The following KIF5A variants were observed in gnomAD, a reference collection of about 807,000 sequenced individuals.
The protein encoded by KIF5A is kinesin heavy chain isoform 5A.
KIF5A carries 35 observed loss-of-function variants against 141.3 expected under a neutral mutation model. That is an observed-to-expected ratio of 0.25 (90% CI 0.19 to 0.33). The LOEUF (loss-of-function observed/expected upper bound fraction) is 0.33. Among genes scored for constraint, KIF5A ranks in the 10% least tolerant of loss-of-function variants. KIF5A has a pLI of 1.00. For missense variants in KIF5A, 861 were observed against 1,314.3 expected, an observed-to-expected ratio of 0.66 and a Z score of 5.33; for synonymous variants, 448 against 500.2, an observed-to-expected ratio of 0.90 and a Z score of 1.39.
chr12:57,562,994 ATTTCT>A (rs1373249692), intron 1 of KIF5A, among the ~76,000 whole-genome samples: 1 of 147,366 alleles, frequency 6.8e-6, no homozygotes, highest in East Asian at 2.0e-4. Flanking sequence ...ATTCTCCCAC[ATTTCT>A]TTTCTTTTCT....
chr12:57,585,605 G>T lies in KIF5A; in HGVS notation c.*1424G>T, dbSNP rs757782963. The T allele has an allele frequency of 6.5e-6, 1 of 153,870 alleles. No individual in the cohort carries two copies. Among genetic ancestry groups the T allele is most frequent in the Non-Finnish European group, 1.5e-5 (1 of 68,212 alleles). The allele number at this position is 153,870 out of a possible 1,614,324, so 9.5% of individuals were successfully genotyped here. On this transcript the variant is annotated 3_prime_UTR_variant, in exon 29 of 29. Coordinates refer to ENST00000455537, the MANE Select transcript of KIF5A (RefSeq NM_004984.4). ...GTGTCCTGATATCCAGTCTTTTCTA[G>T]GAGGAAGACCAAGATTCTCCAGCGG...
intron 1 of KIF5A, among the ~76,000 whole-genome samples, chr12:57,560,869 G>A (rs1490886386): frequency 4.6e-5 from 7 of 152,034 alleles, no homozygotes; most frequent in Admixed American, 4.6e-4. Flanking sequence ...CAGATATAGT[G>A]GTATGTGCCT....
rs1882398575 is a variant in KIF5A at position 57,575,655 on chromosome 12, C to T, written c.1921C>T (p.Arg641Cys). 9 of 1,614,112 alleles carry T rather than the reference C, an allele frequency of 5.6e-6. No individual in the cohort carries two copies. The highest frequency in any genetic ancestry group is 6.8e-6 in the Non-Finnish European group (8 of 1,179,996). Residue 641 changes from arginine to cysteine, a missense_variant, in exon 17 of 29, where the codon CGC (arginine) becomes TGC (cysteine). By Grantham distance (180) the Arg-to-Cys change is radical. Around this residue, in one of 5 missense-constraint regions of KIF5A, gnomAD observed 482 missense variants for 661.3 expected, o/e 0.73. Transcript: ENST00000455537. ...LLISQHEAKI[R>C]SLTEYMQSVE... ...CTCCCACCAGCATGAGGCCAAGATC[C>T]GCTCGCTTACGGAATACATGCAGAG... is the stretch of plus-strand genomic sequence containing the variant.
chr12:57,563,688 A>G lies in KIF5A; in HGVS notation c.286A>G (p.Met96Val), dbSNP rs1237275454. Residue 96 changes from methionine to valine, a missense_variant, in exon 3 of 29, where the codon ATG becomes GTG. Around this residue, in one of 5 missense-constraint regions of KIF5A, gnomAD observed 146 missense variants for 353.4 expected, o/e 0.41. Coordinates refer to ENST00000455537, the MANE Select transcript of KIF5A (RefSeq NM_004984.4). ...GACATCCTCAGGGAAAACACATACC[A>G]TGGAGGTGAGGGTTCTGGCTTTGGT... ...GQTSSGKTHTMEGKLHDPQLM... is the reference protein window; with the variant it reads ...GQTSSGKTHTVEGKLHDPQLM... 1 of 1,613,582 alleles carries G rather than the reference A, an allele frequency of 6.2e-7. No homozygotes were observed. Among genetic ancestry groups the G allele is most frequent in the Admixed American group, 1.7e-5 (1 of 60,004 alleles).
In KIF5A at chr12:57,569,382, T is replaced by A. The variant is rs199886915; in HGVS notation, c.946T>A (p.Ser316Thr). Residue 316 changes from serine to threonine, a missense_variant, in exon 10 of 29, where the codon TCC (serine) becomes ACC (threonine). Coordinates refer to ENST00000455537, the MANE Select transcript of KIF5A (RefSeq NM_004984.4). The stretch of plus-strand genomic sequence containing the variant: ...CAGTTATAATGATGCAGAGACCAAG[T>A]CCACCCTGATGTTTGGGCAGCGGTC... ...PSSYNDAETKSTLMFGQRAKT... is the reference protein window; with the variant it reads ...PSSYNDAETKTTLMFGQRAKT... 6.2e-7 allele frequency: 1 copy of A among 1,614,076 alleles called. No homozygotes were observed. Among genetic ancestry groups the A allele is most frequent in the African/African-American group, 1.3e-5 (1 of 75,022 alleles).
chr12:57,551,886 C>A (rs1335077015), intron 1 of KIF5A, among the ~76,000 whole-genome samples: 1 of 151,930 alleles, frequency 6.6e-6, no homozygotes, highest in Non-Finnish European at 1.5e-5. Flanking sequence ...CTCTCTCTCT[C>A]TCTCTCTCTC....
intron 1 of KIF5A, among the ~76,000 whole-genome samples, chr12:57,556,487 C>A (rs975973769): frequency 1.3e-5 from 2 of 151,880 alleles, no homozygotes; most frequent in African/African-American, 4.8e-5. Flanking sequence ...TTCCTTCTTC[C>A]CTCTCTGCTC....
At chr12:57,575,580 G>A in intron 16 of KIF5A, 60 bp from the exon 17 acceptor site, 2 of 1,363,218 alleles carry the variant, frequency 1.5e-6, no homozygotes, top group Admixed American at 1.7e-5. Context: ...GGAGATCTGT[G>A]TGGCCTGGGT....
intron 1 of KIF5A, among the ~76,000 whole-genome samples, chr12:57,558,531 G>A (rs368960395): frequency 2.6e-5 from 4 of 152,184 alleles, no homozygotes; most frequent in East Asian, 3.9e-4. Context: ...GAAATTAGCC[G>A]GGTGTGGTGG....
chr12:57,573,737 G>A (rs1017499425), intron 15 of KIF5A, among the ~76,000 whole-genome samples: 6 of 151,800 alleles, frequency 4.0e-5, no homozygotes, highest in African/African-American at 1.5e-4. Context: ...GCTGAGGCAG[G>A]GGAATCGCTT....
Position 57,570,113 on chromosome 12 carries a change from A to G in KIF5A, c.1244A>G (p.Gln415Arg). 1 of 1,614,174 alleles carries G rather than the reference A, an allele frequency of 6.2e-7. No homozygotes were observed. The highest frequency in any genetic ancestry group is 8.5e-7 in the Non-Finnish European group (1 of 1,180,040). Residue 415 changes from glutamine to arginine, a missense_variant, in exon 12 of 29, where the codon CAG becomes CGG. Around this residue, in one of 5 missense-constraint regions of KIF5A, gnomAD observed 167 missense variants for 192.0 expected, o/e 0.87. Transcript: ENST00000455537. ...GTGCGCATCGCGCCCGAGGAGCGGC[A>G]GAAATACGAGGAGGAGATCCGCCGT... ...IVVRIAPEER[Q>R]KYEEEIRRLY...
intron 1 of KIF5A, among the ~76,000 whole-genome samples, chr12:57,557,784 C>T (rs773567532): frequency 2.0e-4 from 31 of 151,760 alleles, no homozygotes; most frequent in Non-Finnish European, 3.7e-4. Flanking sequence ...CTCTGCCTCC[C>T]GGGTTCAAGC....
Position 57,572,117 on chromosome 12 carries a change from G to T in KIF5A, c.1419G>T (p.Leu473=), listed in dbSNP as rs139091551. The change falls in exon 14 of 29, where the codon CTG becomes CTT. Residue 473 remains leucine, a synonymous_variant. Transcript: ENST00000455537. This position sits in a 1 kb window ranked among gnomAD's most constrained non-coding sequence, Gnocchi z 4.2. The part of the protein sequence containing the change: ...NEKVQRELSH[L]QSENDAAKDE... ...AGGTCCAGCGGGAGCTGAGCCACCT[G>T]CAATCAGAGAACGATGCCGCTAAGG... 1 of 1,614,048 alleles carries T rather than the reference G, an allele frequency of 6.2e-7. No individual in the cohort carries two copies. The highest frequency in any genetic ancestry group is 1.3e-5 in the African/African-American group (1 of 74,932).
At chr12:57,577,677 G>A in intron 20 of KIF5A, 36 bp from the exon 21 acceptor site, 3 of 1,546,128 alleles carry the variant, frequency 1.9e-6, no homozygotes, top group South Asian at 1.1e-5. Context: ...AGAGTCCTGA[G>A]GGATCTTTCC....
chr12:57,568,574 A>C (rs1882142662), intron 8 of KIF5A, among the ~76,000 whole-genome samples: 1 of 152,070 alleles, frequency 6.6e-6, no homozygotes, highest in Non-Finnish European at 1.5e-5. Flanking sequence ...AAAAATGCAA[A>C]ATTAGCTGGG....
intron 1 of KIF5A, among the ~76,000 whole-genome samples, chr12:57,552,290 G>A (rs1450803090): frequency 6.6e-6 from 1 of 152,096 alleles, no homozygotes; most frequent in Non-Finnish European, 1.5e-5. Context: ...TGGTAAGAGG[G>A]GTGTGGTGTC....
rs769120712 is a variant in KIF5A at position 57,581,877 on chromosome 12, A to G, written c.2917A>G (p.Asn973Asp). 6.2e-7 allele frequency: 1 copy of G among 1,613,874 alleles called. No individual in the cohort carries two copies. The highest frequency in any genetic ancestry group is 1.1e-5 in the South Asian group (1 of 91,070). The change falls in exon 26 of 29, where the codon AAC (asparagine) becomes GAC (aspartate). Residue 973 changes from asparagine to aspartate, a missense_variant. Asn to Asp is a conservative substitution (Grantham distance 23, BLOSUM62 1). This residue lies in a region of KIF5A where 482 missense variants were observed against 661.3 expected (regional missense o/e 0.73). Transcript: ENST00000455537. ...TTCCTCTGCTCCATCCAGCTTTGCA[A>G]ACTCCTGTACCAGCAGTGGAGCCAC... Reference protein sequence around the residue: ...PSSTSDMYFANSCTSSGATSS... With the variant: ...PSSTSDMYFADSCTSSGATSS...
chr12:57,574,206 C>T (rs961408420), intron 15 of KIF5A, among the ~76,000 whole-genome samples: 16 of 151,274 alleles, frequency 1.1e-4, no homozygotes, highest in African/African-American at 3.9e-4. Context: ...TCTGGGTGAT[C>T]AAGGAGATCA....
intron 10 of KIF5A, 51 bp from the exon 11 acceptor site, chr12:57,569,482 TCA>T (rs1882177221): frequency 6.2e-7 from 1 of 1,613,504 alleles, no homozygotes; most frequent in Admixed American, 1.7e-5. Flanking sequence ...CTCCTCAGGG[TCA>T]CCCAAGTCTC....
Sources: allele counts gnomAD v4.1 joint callset (sites outside exome capture counted in the v4.1 genomes callset), GRCh38; gene constraint gnomAD v4.1.1; regional missense constraint gnomAD v4.1.1; non-coding constraint Gnocchi (gnomAD v3.1); transcripts MANE v1.5; gene names NCBI Gene and HGNC (gene_info 2026-07-23, HGNC 2026-07-21).